Variants in ROBO1 observed in about 807,000 individuals in gnomAD.
The protein encoded by ROBO1 is roundabout homolog 1.
In ROBO1, 149 loss-of-function variants were observed where a neutral mutation model predicts 195.9. That is an observed-to-expected ratio of 0.76 (90% confidence interval 0.67 to 0.87). The LOEUF (loss-of-function observed/expected upper bound fraction) is 0.87. Ranked by LOEUF, ROBO1 falls within the 40% of genes least tolerant of loss-of-function variation. The probability of loss-of-function intolerance (pLI) is 0.00; values close to 1 mark genes in which losing one functional copy is unlikely to be tolerated. For missense variants in ROBO1, 1,933 were observed against 2,068.3 expected, an observed-to-expected ratio of 0.93 and a Z score of 1.27; for synonymous variants, 816 against 733.2, an observed-to-expected ratio of 1.11 and a Z score of -1.82.
Position 78,809,257 on chromosome 3 carries a change from G to A in ROBO1, c.500-62357C>T, listed in dbSNP as rs568784973. 1.3e-3 allele frequency among the ~76,000 whole-genome samples: 191 copies of A among 152,198 alleles called. 1 individual carries two copies. Among genetic ancestry groups the A allele is most frequent in the African/African-American group, 4.3e-3 (177 of 41,534 alleles). On this transcript the variant is annotated intron_variant, in intron 4 of 30. Transcript: ENST00000464233. ...TATGAAAAAAAGCTCATCATCACTG[G>A]TCATTAGAGAAACGCAAATCAAAAC...
chr3:78,688,890 G>T (rs1317168416), intron 8 of ROBO1, 118 bp from the exon 9 acceptor site: 2 of 943,914 alleles, frequency 2.1e-6, no homozygotes, highest in Non-Finnish European at 2.9e-6. Context: ...ATGTAAAACA[G>T]TCATGATATA....
intron 2 of ROBO1, among the ~76,000 whole-genome samples, chr3:79,536,830 C>T (rs907886390): frequency 6.6e-6 from 1 of 152,156 alleles, no homozygotes; most frequent in African/African-American, 2.4e-5. Flanking sequence ...TGACTTTGCT[C>T]TTACCTCCTT....
At chr3:78,821,332 AT>A (rs1286663260) in intron 4 of ROBO1, among the ~76,000 whole-genome samples, 1 of 151,522 alleles carries the variant, frequency 6.6e-6, no homozygotes, top group Non-Finnish European at 1.5e-5. Flanking sequence ...CGCCCGGCTA[AT>A]TTTTGTATTT....
chr3:78,772,596 C>A (rs1164813807), intron 4 of ROBO1, among the ~76,000 whole-genome samples: 2 of 152,012 alleles, frequency 1.3e-5, no homozygotes, highest in Non-Finnish European at 1.5e-5. Flanking sequence ...TTTTACAAAA[C>A]AGAAAATAAT....
At chr3:79,639,197 A>T (rs1017454206) in intron 1 of ROBO1, among the ~76,000 whole-genome samples, 1 of 152,324 alleles carries the variant, frequency 6.6e-6, no homozygotes, top group East Asian at 1.9e-4. Context: ...CCATCACATG[A>T]TAATCTTCCA....
At chr3:78,857,103 T>A (rs1398241627) in intron 4 of ROBO1, among the ~76,000 whole-genome samples, 2 of 152,162 alleles carry the variant, frequency 1.3e-5, no homozygotes, top group Non-Finnish European at 2.9e-5. Context: ...ATATTATTTA[T>A]GACATTTATT....
At chr3:79,342,667 A>G (rs1488041194) in intron 2 of ROBO1, among the ~76,000 whole-genome samples, 1 of 152,154 alleles carries the variant, frequency 6.6e-6, no homozygotes, top group African/African-American at 2.4e-5. Context: ...AAGGGAGGGA[A>G]AAAAGGATAG....
intron 17 of ROBO1, 69 bp downstream of exon 17, chr3:78,659,617 T>G (rs577516705): frequency 1.7e-6 from 2 of 1,207,358 alleles, no homozygotes; most frequent in Non-Finnish European, 2.1e-6. Flanking sequence ...AATACCAGCC[T>G]GCTTTTTCTT....
chr3:79,141,684 G>C (rs1430512639), intron 2 of ROBO1, among the ~76,000 whole-genome samples: 2 of 151,368 alleles, frequency 1.3e-5, no homozygotes, highest in East Asian at 3.9e-4. Context: ...GTTTCACTGC[G>C]CAAATTCACA....
At chr3:79,328,721 C>A (rs1312762659) in intron 2 of ROBO1, among the ~76,000 whole-genome samples, 2 of 152,028 alleles carry the variant, frequency 1.3e-5, no homozygotes, top group Non-Finnish European at 2.9e-5. Context: ...GATGCACCCA[C>A]CACACGAGCA....
chr3:79,297,247 T>C (rs1238644636), intron 2 of ROBO1, among the ~76,000 whole-genome samples: 1 of 152,172 alleles, frequency 6.6e-6, no homozygotes, highest in Non-Finnish European at 1.5e-5. Flanking sequence ...AATTTCCTTT[T>C]AAGTAGTCTA....
intron 2 of ROBO1, among the ~76,000 whole-genome samples, chr3:79,574,211 TCAGTGTTTC>T (rs1474381494): frequency 6.6e-6 from 1 of 152,110 alleles, no homozygotes; most frequent in Non-Finnish European, 1.5e-5. Flanking sequence ...ATTTCTGGGC[TCAGTGTTTC>T]CTCATTTTAA....
At chr3:78,607,137 A>G (rs1385845149) in intron 28 of ROBO1, 96 bp from the exon 29 acceptor site, 2 of 1,190,432 alleles carry the variant, frequency 1.7e-6, no homozygotes, top group Non-Finnish European at 2.3e-6. Context: ...CACCTACGAG[A>G]TACTATATCT....
At chr3:79,442,229 G>A (rs2039080646) in intron 2 of ROBO1, among the ~76,000 whole-genome samples, 2 of 151,856 alleles carry the variant, frequency 1.3e-5, no homozygotes, top group African/African-American at 4.8e-5. Context: ...TTTTTCCCCT[G>A]AATTGTGTTT....
intron 2 of ROBO1, among the ~76,000 whole-genome samples, chr3:79,183,910 G>A (rs189391659): frequency 6.6e-6 from 1 of 152,268 alleles, no homozygotes; most frequent in Admixed American, 6.5e-5. Flanking sequence ...GAAGAACAAG[G>A]GAAGTTGTCA....
chr3:79,125,363 G>C, intron 3 of ROBO1, 93 bp downstream of exon 3: 1 of 987,636 alleles, frequency 1.0e-6, no homozygotes. Context: ...TGGAAGCAGG[G>C]ATGATTCGAT....
chr3:78,657,343 G>C, intron 17 of ROBO1, 74 bp from the exon 18 acceptor site: 1 of 1,483,238 alleles, frequency 6.7e-7, no homozygotes, highest in Non-Finnish European at 9.2e-7. Context: ...CAGGGTTGCA[G>C]TTTTAGACCC....
intron 1 of ROBO1, among the ~76,000 whole-genome samples, chr3:79,718,935 T>C (rs1702593707): frequency 6.6e-6 from 1 of 152,058 alleles, no homozygotes. Context: ...TGGTCACTTG[T>C]TGAACTAAAA....
chr3:79,037,671 G>C (rs2078405318), intron 3 of ROBO1, among the ~76,000 whole-genome samples: 1 of 152,114 alleles, frequency 6.6e-6, no homozygotes, highest in Non-Finnish European at 1.5e-5. Context: ...GTATTTGTAT[G>C]TTTAACTTCA....
Sources: gnomAD v4.1 joint callset for allele counts (sites outside exome capture counted in the v4.1 genomes callset) on GRCh38, gnomAD v4.1.1 for gene constraint, MANE v1.5 for transcripts, NCBI Gene and HGNC (gene_info 2026-07-23, HGNC 2026-07-21) for gene names.